RIN2: variants seen among roughly 807,000 people sequenced by gnomAD.
RIN2 encodes the protein Ras and Rab interactor 2.
RIN2 carries 36 observed loss-of-function variants against 78.0 expected under a neutral mutation model. The observed-to-expected ratio is 0.46, with a 90% CI of 0.35 to 0.61. The LOEUF is 0.61. RIN2 is among the 20% of genes least tolerant of loss of function. The pLI, the probability that RIN2 is intolerant of heterozygous loss-of-function variation, is 0.00. For synonymous variants in RIN2, 466 were observed against 466.8 expected (o/e 1.00, Z 0.02); for missense variants, 1,087 against 1,159.7 (o/e 0.94, Z 0.91).
chr20:19,868,418 C>CA (rs1386384763), intron 2 of RIN2, among the ~76,000 whole-genome samples: 4 of 152,194 alleles, frequency 2.6e-5, no homozygotes, highest in Non-Finnish European at 2.9e-5. Flanking sequence ...TTTTATTGGA[C>CA]AACGTTTTAT....
chr20:19,792,461 G>T (rs773643649), intron 1 of RIN2, among the ~76,000 whole-genome samples: 5 of 152,172 alleles, frequency 3.3e-5, no homozygotes, highest in Non-Finnish European at 7.4e-5. Flanking sequence ...CAAAGCAGTG[G>T]TAATAGGATG....
At chr20:19,770,675 C>T (rs1290457226) in intron 1 of RIN2, among the ~76,000 whole-genome samples, 2 of 152,148 alleles carry the variant, frequency 1.3e-5, no homozygotes, top group African/African-American at 2.4e-5. Flanking sequence ...GCAAGAATTC[C>T]ATGTTTTCAC....
At chr20:19,770,538 G>A (rs2034070831) in intron 1 of RIN2, among the ~76,000 whole-genome samples, 1 of 152,066 alleles carries the variant, frequency 6.6e-6, no homozygotes, top group Non-Finnish European at 1.5e-5. Context: ...CCCTCCATCT[G>A]GAGGAGGAAA....
intron 9 of RIN2, among the ~76,000 whole-genome samples, chr20:19,978,569 C>T (rs1055845392): frequency 6.6e-6 from 1 of 152,186 alleles, no homozygotes; most frequent in African/African-American, 2.4e-5. Flanking sequence ...CGAAAAACTG[C>T]CCCTGTAAAT....
At chr20:19,838,713 C>T (rs1454241215) in intron 2 of RIN2, among the ~76,000 whole-genome samples, 2 of 152,120 alleles carry the variant, frequency 1.3e-5, no homozygotes, top group African/African-American at 4.8e-5. Context: ...AAACCAATGG[C>T]CTGGATGAGT....
intron 2 of RIN2, among the ~76,000 whole-genome samples, chr20:19,882,651 T>A (rs781175404): frequency 1.3e-5 from 2 of 152,222 alleles, no homozygotes; most frequent in Admixed American, 6.5e-5. Flanking sequence ...ACCTCTGCAC[T>A]GTATTGCATG....
chr20:19,930,929 GTCA>G (rs2040416474), intron 3 of RIN2, among the ~76,000 whole-genome samples: 1 of 152,110 alleles, frequency 6.6e-6, no homozygotes, highest in Non-Finnish European at 1.5e-5. Flanking sequence ...ACTGTCAAAT[GTCA>G]TCATTTCGCC....
intron 1 of RIN2, among the ~76,000 whole-genome samples, chr20:19,771,511 C>G (rs561680606): frequency 6.6e-6 from 1 of 152,312 alleles, no homozygotes; most frequent in Non-Finnish European, 1.5e-5. Context: ...GCTGTCCCTG[C>G]ACCAGGCAGA....
At chr20:19,836,234 A>G (rs1329024262) in intron 2 of RIN2, among the ~76,000 whole-genome samples, 2 of 152,228 alleles carry the variant, frequency 1.3e-5, no homozygotes, top group African/African-American at 2.4e-5. Context: ...TGAGTGCTCC[A>G]GCGATTATAA....
chr20:19,999,166 G>A (rs551855799), intron 12 of RIN2, among the ~76,000 whole-genome samples: 1 of 152,232 alleles, frequency 6.6e-6, no homozygotes, highest in African/African-American at 2.4e-5. Flanking sequence ...TGGTAAAGGC[G>A]GTGGGGCTGC....
At chr20:19,814,806 G>T (rs1185309101) in intron 2 of RIN2, among the ~76,000 whole-genome samples, 3 of 151,814 alleles carry the variant, frequency 2.0e-5, no homozygotes, top group South Asian at 2.1e-4. Flanking sequence ...GCCCAGTCTG[G>T]CTTTGAACTC....
chr20:19,798,372 G>A (rs187604565), intron 1 of RIN2, among the ~76,000 whole-genome samples: 1 of 152,162 alleles, frequency 6.6e-6, no homozygotes, highest in Admixed American at 6.5e-5. Context: ...ATGGACCCAG[G>A]CATGAAGGAA....
Position 19,994,400 on chromosome 20 carries a change from G to A in RIN2, c.2200+2101G>A, listed in dbSNP as rs559224363. 5.3e-5 allele frequency among the ~76,000 whole-genome samples: 8 copies of A among 152,326 alleles called. No homozygotes were observed. The East Asian group carries it at 9.6e-4, about 18-fold the overall frequency. ...GGGGTAGCAGCCACGTCTGTTTTCC[G>A]CTGTTTAAGCAGGTATTCTCATTTA... On this transcript the variant is annotated intron_variant, in intron 11 of 12. Transcript: ENST00000255006.
chr20:19,835,722 G>C (rs1446510784), intron 2 of RIN2, among the ~76,000 whole-genome samples: 1 of 151,984 alleles, frequency 6.6e-6, no homozygotes, highest in Non-Finnish European at 1.5e-5. Flanking sequence ...ATATGAATGG[G>C]AAGTTGAGTG....
chr20:19,811,048 A>C (rs1568773591), intron 2 of RIN2, among the ~76,000 whole-genome samples: 1 of 112,568 alleles, frequency 8.9e-6, no homozygotes, highest in Non-Finnish European at 1.8e-5. Context: ...TTTAATATAA[A>C]AAAAAAATGC....
At chr20:19,773,358 TA>T (rs1420942581) in intron 1 of RIN2, among the ~76,000 whole-genome samples, 1 of 152,152 alleles carries the variant, frequency 6.6e-6, no homozygotes, top group Non-Finnish European at 1.5e-5. Flanking sequence ...ATTCAACCCA[TA>T]ACTAGGTGTA....
intron 2 of RIN2, among the ~76,000 whole-genome samples, chr20:19,821,252 T>TC (rs1387708795): frequency 6.6e-6 from 1 of 152,178 alleles, no homozygotes; most frequent in Non-Finnish European, 1.5e-5. Context: ...ATTTTATTTT[T>TC]CTCCCACCAT....
At position 19,935,101 on chromosome 20, in the gene RIN2, C is replaced by T; in HGVS notation, c.60C>T (p.Leu20=). The T allele has an allele frequency of 6.3e-7, 1 of 1,591,146 alleles. No homozygotes were observed. Among genetic ancestry groups the T allele is most frequent in the Non-Finnish European group, 8.6e-7 (1 of 1,168,770 alleles). ...ATACTATTTTTGTCTTTGAATAGCT[C>T]ATTGACACAATTGCCTCGGAGATCG... The part of the protein sequence containing the change: ...GLDKRGSFFK[L]IDTIASEIGE... The change falls in exon 4 of 13, where the codon CTC becomes CTT. Residue 20 remains leucine, a splice_region_variant and synonymous_variant. Transcript: ENST00000255006.
intron 2 of RIN2, among the ~76,000 whole-genome samples, chr20:19,885,242 G>T (rs967696311): frequency 6.6e-6 from 1 of 152,152 alleles, no homozygotes; most frequent in African/African-American, 2.4e-5. Context: ...AAGCTGGGGT[G>T]GGGGCAAGAG....
Sources: allele counts gnomAD v4.1 joint callset (sites outside exome capture counted in the v4.1 genomes callset), GRCh38; gene constraint gnomAD v4.1.1; transcripts MANE v1.5; gene names NCBI Gene and HGNC (gene_info 2026-07-23, HGNC 2026-07-21).